Variants in KLF12 observed in about 807,000 individuals in gnomAD.
KLF12 encodes Krueppel-like factor 12.
A neutral mutation model predicts 37.8 loss-of-function variants in KLF12; 9 were observed. The ratio of observed to expected loss-of-function variants is 0.24; its 90% CI spans 0.14 to 0.42. The LOEUF is 0.42. KLF12 is among the 10% of genes least tolerant of loss of function. The probability of loss-of-function intolerance (pLI) is 1.00; values close to 1 mark genes in which losing one functional copy is unlikely to be tolerated. For missense variants in KLF12, 411 were observed against 516.0 expected (o/e 0.80, Z 1.97); for synonymous variants, 208 against 202.1 (o/e 1.03, Z -0.25).
intron 3 of KLF12, among the ~76,000 whole-genome samples, chr13:73,871,453 T>C (rs543213369): frequency 1.8e-4 from 27 of 152,204 alleles, no homozygotes; most frequent in African/African-American, 5.8e-4. Flanking sequence ...GAAAAGAGAA[T>C]ATGAAAGAGA....
the KLF12 span, among the ~76,000 whole-genome samples, chr13:74,230,053 T>C: frequency 6.6e-6 from 1 of 152,232 alleles, no homozygotes; most frequent in African/African-American, 2.4e-5. Flanking sequence ...TAACACATGA[T>C]ATGATTTGGC....
intron 3 of KLF12, among the ~76,000 whole-genome samples, chr13:73,875,425 T>G (rs565049515): frequency 2.2e-4 from 33 of 152,322 alleles, no homozygotes; most frequent in South Asian, 1.9e-3. Context: ...TTTTTAAATT[T>G]TACTGTCTTC....
chr13:73,999,142 T>C (rs1356189650), intron 1 of KLF12, among the ~76,000 whole-genome samples: 2 of 152,234 alleles, frequency 1.3e-5, no homozygotes, highest in African/African-American at 2.4e-5. Flanking sequence ...TCACTTTCCA[T>C]TTCAGGTACA....
At chr13:74,249,790 T>C in the KLF12 span, among the ~76,000 whole-genome samples, 1 of 152,156 alleles carries the variant, frequency 6.6e-6, no homozygotes, top group African/African-American at 2.4e-5. Flanking sequence ...TTTTTTAATA[T>C]ATGAATATCA....
chr13:73,935,113 G>A (rs1192391911), intron 3 of KLF12, among the ~76,000 whole-genome samples: 1 of 151,898 alleles, frequency 6.6e-6, no homozygotes, highest in African/African-American at 2.4e-5. Flanking sequence ...TTGAGTAGCT[G>A]GGATTATAGG....
the KLF12 span, among the ~76,000 whole-genome samples, chr13:74,213,902 T>C: frequency 6.6e-6 from 1 of 152,146 alleles, no homozygotes; most frequent in African/African-American, 2.4e-5. Context: ...TGTATTTCTC[T>C]CTTATCAAAT....
chr13:73,931,033 T>G (rs997379156), intron 3 of KLF12, among the ~76,000 whole-genome samples: 2 of 152,032 alleles, frequency 1.3e-5, no homozygotes, highest in Non-Finnish European at 2.9e-5. Flanking sequence ...ATTTTTTGTA[T>G]TTTTAGTAGA....
chr13:73,718,543 C>T (rs1875984822), intron 6 of KLF12, among the ~76,000 whole-genome samples: 1 of 152,116 alleles, frequency 6.6e-6, no homozygotes, highest in South Asian at 2.1e-4. Context: ...GATCGCTTAG[C>T]TCAGAAGCTC....
At chr13:73,982,250 T>C (rs1891706210) in intron 2 of KLF12, among the ~76,000 whole-genome samples, 2 of 152,160 alleles carry the variant, frequency 1.3e-5, no homozygotes, top group African/African-American at 4.8e-5. Flanking sequence ...AGAAACTTAA[T>C]TTGCAATACA....
At chr13:73,873,232 A>G (rs1594197696) in intron 3 of KLF12, among the ~76,000 whole-genome samples, 1 of 152,128 alleles carries the variant, frequency 6.6e-6, no homozygotes, top group Non-Finnish European at 1.5e-5. Context: ...AATTCAGAGA[A>G]ATCACTTATA....
the KLF12 span, among the ~76,000 whole-genome samples, chr13:74,305,216 T>A: frequency 1.3e-5 from 2 of 152,058 alleles, no homozygotes; most frequent in Non-Finnish European, 2.9e-5. Context: ...AACCTCCACA[T>A]CTGCAGAGGA....
chr13:74,078,232 C>T (rs1874679019), intron 1 of KLF12, among the ~76,000 whole-genome samples: 1 of 152,122 alleles, frequency 6.6e-6, no homozygotes, highest in South Asian at 2.1e-4. Flanking sequence ...AGCCAAAATT[C>T]CATGCATAGA....
At chr13:73,914,835 T>G (rs1888742307) in intron 3 of KLF12, among the ~76,000 whole-genome samples, 1 of 152,218 alleles carries the variant, frequency 6.6e-6, no homozygotes, top group Non-Finnish European at 1.5e-5. Context: ...TTTGGGATCC[T>G]ACATTTCCCC....
At chr13:74,094,055 G>A (rs530667835) in intron 1 of KLF12, among the ~76,000 whole-genome samples, 1 of 151,884 alleles carries the variant, frequency 6.6e-6, no homozygotes, top group South Asian at 2.1e-4. Flanking sequence ...TACATGCTAA[G>A]TATATAATTT....
At chr13:73,913,635 A>T (rs373808773) in intron 3 of KLF12, among the ~76,000 whole-genome samples, 1 of 152,252 alleles carries the variant, frequency 6.6e-6, no homozygotes, top group Non-Finnish European at 1.5e-5. Flanking sequence ...GGGCTAATAA[A>T]TAAAATAAAG....
the KLF12 span, among the ~76,000 whole-genome samples, chr13:74,255,509 T>G: frequency 6.6e-6 from 1 of 152,212 alleles, no homozygotes; most frequent in Non-Finnish European, 1.5e-5. Context: ...CATTGAGCTT[T>G]CAATTGCATG....
chr13:74,270,086 A>G, the KLF12 span, among the ~76,000 whole-genome samples: 1 of 152,278 alleles, frequency 6.6e-6, no homozygotes, highest in South Asian at 2.1e-4. Flanking sequence ...AGTGTTGTAT[A>G]ACATAAAACT....
At chr13:73,744,973 C>G (rs1436294431) in intron 6 of KLF12, among the ~76,000 whole-genome samples, 1 of 152,122 alleles carries the variant, frequency 6.6e-6, no homozygotes, top group Non-Finnish European at 1.5e-5. Flanking sequence ...TCTACAGAGC[C>G]TTCTAGTGTT....
chr13:73,759,132 G>A (rs1453702592), intron 6 of KLF12, among the ~76,000 whole-genome samples: 1 of 152,082 alleles, frequency 6.6e-6, no homozygotes, highest in Non-Finnish European at 1.5e-5. Context: ...GCAGGTTAAC[G>A]ATGACATCAA....
Sources: allele counts gnomAD v4.1 joint callset (sites outside exome capture counted in the v4.1 genomes callset), GRCh38; gene constraint gnomAD v4.1.1; transcripts MANE v1.5; gene names NCBI Gene and HGNC (gene_info 2026-07-23, HGNC 2026-07-21).